HNRNPC: variants seen among roughly 807,000 people sequenced by gnomAD.
HNRNPC encodes heterogeneous nuclear ribonucleoproteins C1/C2.
A neutral mutation model predicts 33.2 loss-of-function variants in HNRNPC; 3 were observed. The observed-to-expected ratio is 0.09, with a 90% CI of 0.04 to 0.23. The LOEUF (loss-of-function observed/expected upper bound fraction) is 0.23, where lower values mean the gene tolerates loss of function less well. Among genes scored for constraint, HNRNPC ranks in the 10% least tolerant of loss-of-function variants. The pLI is 1.00. For missense variants in HNRNPC, 143 were observed against 366.7 expected (o/e 0.39, Z 4.98); for synonymous variants, 121 against 126.7 (o/e 0.96, Z 0.30).
chr14:21,254,915 C>T (rs544630501), intron 2 of HNRNPC, among the ~76,000 whole-genome samples: 1 of 141,770 alleles, frequency 7.1e-6, no homozygotes, highest in African/African-American at 2.8e-5. Context: ...GAGCGAGACT[C>T]TAGTCTCAAA....
At chr14:21,216,748 A>G (rs2139489763) in intron 5 of HNRNPC, among the ~76,000 whole-genome samples, 1 of 152,348 alleles carries the variant, frequency 6.6e-6, no homozygotes, top group South Asian at 2.1e-4. Flanking sequence ...AGTTTTTTCC[A>G]TTCTATCTCC....
intron 2 of HNRNPC, among the ~76,000 whole-genome samples, chr14:21,251,641 C>G (rs10658793): frequency 6.6e-6 from 1 of 151,656 alleles, no homozygotes; most frequent in South Asian, 2.1e-4. Flanking sequence ...AAGACTGCGC[C>G]GCTGCACTCC....
At chr14:21,267,229 G>C (rs1566654415) in intron 1 of HNRNPC, among the ~76,000 whole-genome samples, 1 of 149,488 alleles carries the variant, frequency 6.7e-6, no homozygotes. Context: ...TTAAAAAAAA[G>C]TCTAAGTCCC....
rs147402744 is a variant in HNRNPC at position 21,233,841 on chromosome 14, G to A, written c.241+112C>T. 646 of 1,306,650 alleles carry A rather than the reference G, an allele frequency of 4.9e-4. 2 individuals carry two copies. Among genetic ancestry groups the A allele is most frequent in the African/African-American group, 4.4e-3 (294 of 66,288 alleles). The allele number at this position is 1,306,650 out of a possible 1,614,324, so 80.9% of individuals were successfully genotyped here. On this transcript the variant is annotated intron_variant, in intron 3 of 8. Transcript: ENST00000553300. ...TGTATTTTTATTAGGCTAAACAGTC[G>A]CAATATCCAGAATATCTCATGCTGT...
At chr14:21,263,227 AAGTAAT>A (rs1365883762) in intron 2 of HNRNPC, 78 bp downstream of exon 2, 1 of 152,512 alleles carries the variant, frequency 6.6e-6, no homozygotes, top group East Asian at 1.9e-4. Context: ...TAATAATAAT[AAGTAAT>A]AGTAACTAGT....
At chr14:21,245,841 ATC>A (rs1318775857) in intron 2 of HNRNPC, among the ~76,000 whole-genome samples, 6 of 151,972 alleles carry the variant, frequency 3.9e-5, no homozygotes, top group Non-Finnish European at 5.9e-5. Flanking sequence ...CTCCATTATA[ATC>A]TCTTTTACTT....
At chr14:21,233,898 C>A (rs957132447) in intron 3 of HNRNPC, 55 bp downstream of exon 3, 19 of 1,565,602 alleles carry the variant, frequency 1.2e-5, no homozygotes, top group African/African-American at 2.8e-5. Context: ...AAAAAAAAAA[C>A]GTGAATAGAA....
At chr14:21,230,507 C>A (rs1006135547) in intron 4 of HNRNPC, 141 bp from the exon 5 acceptor site, 1 of 636,316 alleles carries the variant, frequency 1.6e-6, no homozygotes, top group Non-Finnish European at 2.9e-6. Context: ...ATCATTCATA[C>A]AATAAATCAC....
chr14:21,235,164 T>G (rs1894550767), intron 2 of HNRNPC, among the ~76,000 whole-genome samples: 1 of 152,114 alleles, frequency 6.6e-6, no homozygotes, highest in South Asian at 2.1e-4. Flanking sequence ...AAAGCGAAAA[T>G]GTTTTATTTC....
intron 2 of HNRNPC, among the ~76,000 whole-genome samples, chr14:21,246,981 G>A (rs1289369764): frequency 6.6e-6 from 1 of 152,174 alleles, no homozygotes; most frequent in African/African-American, 2.4e-5. Context: ...TACTGAATCT[G>A]TGTTAATTAA....
At chr14:21,246,456 C>G (rs986918322) in intron 2 of HNRNPC, among the ~76,000 whole-genome samples, 2 of 151,566 alleles carry the variant, frequency 1.3e-5, no homozygotes, top group Admixed American at 6.6e-5. Context: ...GTCCCAGCTA[C>G]TTGGGAGGCT....
intron 5 of HNRNPC, among the ~76,000 whole-genome samples, chr14:21,214,114 C>G (rs1891904034): frequency 6.6e-6 from 1 of 152,048 alleles, no homozygotes; most frequent in Non-Finnish European, 1.5e-5. Context: ...ATGAAAAGGT[C>G]TTCAATTCTG....
chr14:21,236,242 G>A (rs1894683760), intron 2 of HNRNPC: 1 of 152,084 alleles, frequency 6.6e-6, no homozygotes, highest in Non-Finnish European at 1.5e-5. Context: ...TGAGTTTAAG[G>A]ATATGATTTC....
At chr14:21,244,383 T>A (rs887402259) in intron 2 of HNRNPC, among the ~76,000 whole-genome samples, 6 of 152,210 alleles carry the variant, frequency 3.9e-5, no homozygotes, top group Admixed American at 3.9e-4. Context: ...AATAAAAAAT[T>A]AAGGTCTTAA....
intron 5 of HNRNPC, among the ~76,000 whole-genome samples, chr14:21,229,041 C>T (rs762582275): frequency 1.0e-4 from 15 of 146,386 alleles, no homozygotes; most frequent in Non-Finnish European, 2.1e-4. Flanking sequence ...GCCAAAATCA[C>T]GCCACTTCAC....
rs1891607526 is a variant in HNRNPC, at chr14:21,211,577, G to A, written c.638-11C>T. 2 of 1,601,480 alleles carry A rather than the reference G, an allele frequency of 1.2e-6. No homozygotes were observed. Among genetic ancestry groups the A allele is most frequent in the Non-Finnish European group, 1.7e-6 (2 of 1,173,162 alleles). On this transcript the variant is annotated splice_polypyrimidine_tract_variant and intron_variant, in intron 7 of 8. Coordinates refer to ENST00000553300, the MANE Select transcript of HNRNPC (RefSeq NM_004500.4). ...CATTCTTCATCTCTACTGCGGATGA[G>A]AAGGACAAGTCTGTCTAGGGGCAGT...
chr14:21,257,561 G>GAAA (rs747115106), intron 2 of HNRNPC, among the ~76,000 whole-genome samples: 1 of 138,710 alleles, frequency 7.2e-6, no homozygotes, highest in Admixed American at 7.2e-5. Flanking sequence ...ATAAGTCTTA[G>GAAA]AAAAAAAAAA....
intron 5 of HNRNPC, among the ~76,000 whole-genome samples, chr14:21,225,454 G>C (rs1380269258): frequency 6.6e-6 from 1 of 150,498 alleles, no homozygotes; most frequent in Non-Finnish European, 1.5e-5. Flanking sequence ...AAAAAAAACA[G>C]AGAGAGATGA....
At chr14:21,246,566 CAA>C (rs78962636) in intron 2 of HNRNPC, among the ~76,000 whole-genome samples, 16 of 93,608 alleles carry the variant, frequency 1.7e-4, no homozygotes, top group Non-Finnish European at 1.9e-4. Flanking sequence ...GACTCCGTCT[CAA>C]AAAAAAAAAA....
Sources: gnomAD v4.1 joint callset for allele counts (sites outside exome capture counted in the v4.1 genomes callset) on GRCh38, gnomAD v4.1.1 for gene constraint, MANE v1.5 for transcripts, NCBI Gene and HGNC (gene_info 2026-07-23, HGNC 2026-07-21) for gene names.